CNTNAP2: variants seen among roughly 807,000 people sequenced by gnomAD.
CNTNAP2 encodes contactin associated protein 2.
A neutral mutation model predicts 155.2 loss-of-function variants in CNTNAP2; 98 were observed. The ratio of observed to expected loss-of-function variants is 0.63; its 90% confidence interval spans 0.54 to 0.75. CNTNAP2 has a LOEUF of 0.75. Ranked by LOEUF, CNTNAP2 falls within the 30% of genes least tolerant of loss-of-function variation. The pLI is 0.00. For missense variants in CNTNAP2, 1,727 were observed against 1,688.1 expected (o/e 1.02, Z -0.40); for synonymous variants, 651 against 631.2 (o/e 1.03, Z -0.47).
chr7:147,502,213 G>GA lies in CNTNAP2; in HGVS notation c.1777+16181dup, dbSNP rs751288817. Among the ~76,000 whole-genome samples the GA allele has an allele frequency of 1.0e-3, 154 of 151,172 alleles. No homozygotes were observed. In the Middle Eastern group the frequency reaches 0.01, roughly 10 times the overall value. On this transcript the variant is annotated intron_variant, in intron 11 of 23. Coordinates refer to ENST00000361727, the MANE Select transcript of CNTNAP2 (RefSeq NM_014141.6). ...TCCAATCAGATGTTTTATAGAAATAGAAAAAAAAATCCTAAAATTCATGTG... is the reference window on the plus strand; with the variant it reads ...TCCAATCAGATGTTTTATAGAAATAGAAAAAAAAAATCCTAAAATTCATGTG...
At chr7:148,258,219 C>T (rs1796490899) in intron 20 of CNTNAP2, among the ~76,000 whole-genome samples, 1 of 152,184 alleles carries the variant, frequency 6.6e-6, no homozygotes, top group African/African-American at 2.4e-5. Context: ...ATGCCACGCT[C>T]CTGGGGCAGG....
At chr7:146,516,335 C>A (rs1797541222) in intron 1 of CNTNAP2, among the ~76,000 whole-genome samples, 1 of 152,040 alleles carries the variant, frequency 6.6e-6, no homozygotes, top group South Asian at 2.1e-4. Context: ...TTGGTACACA[C>A]ATTTACAGAC....
At chr7:147,659,140 G>A (rs1795575837) in intron 13 of CNTNAP2, among the ~76,000 whole-genome samples, 1 of 152,114 alleles carries the variant, frequency 6.6e-6, no homozygotes, top group South Asian at 2.1e-4. Flanking sequence ...ACAAAGGAAA[G>A]GAAAATCTGG....
intron 20 of CNTNAP2, among the ~76,000 whole-genome samples, chr7:148,248,055 G>A (rs1172543829): frequency 6.6e-6 from 1 of 152,064 alleles, no homozygotes; most frequent in Non-Finnish European, 1.5e-5. Context: ...GCACACCCAT[G>A]TAGCCACCAC....
At chr7:147,767,889 G>A (rs1178453838) in intron 13 of CNTNAP2, among the ~76,000 whole-genome samples, 1 of 152,112 alleles carries the variant, frequency 6.6e-6, no homozygotes, top group Non-Finnish European at 1.5e-5. Context: ...AGAAAGAAAG[G>A]AGATTATGTT....
rs1301086942 is a variant in CNTNAP2 at position 148,283,300 on chromosome 7, AAAGAAAGGAAGG to A, written c.3475+16178_3475+16189del. On this transcript the variant is annotated intron_variant, in intron 21 of 23. Coordinates refer to ENST00000361727, the MANE Select transcript of CNTNAP2 (RefSeq NM_014141.6). ...GAAAGAAAGAAAGAAAGAAAGAAAG[AAAGAAAGGAAGG>A]AAGGAAGGAAAGAAAGAAAGAATTC... Among the ~76,000 whole-genome samples the A allele has an allele frequency of 3.4e-4, 34 of 99,228 alleles. 1 individual carries two copies. Among genetic ancestry groups the A allele is most frequent in the African/African-American group, 1.5e-3 (25 of 17,174 alleles). 65.1% of individuals were successfully genotyped at this position (99,228 alleles called of 152,430 possible).
intron 1 of CNTNAP2, among the ~76,000 whole-genome samples, chr7:146,372,514 T>C (rs1290138542): frequency 6.6e-6 from 1 of 152,226 alleles, no homozygotes; most frequent in African/African-American, 2.4e-5. Flanking sequence ...AAAAGTTTAT[T>C]GAAAAGTTCA....
rs575817201 is a variant in CNTNAP2 at position 148,375,325 on chromosome 7, AATAT to A, written c.3476-8317_3476-8314del. 5.6e-3 allele frequency among the ~76,000 whole-genome samples: 829 copies of A among 147,746 alleles called. 6 individuals carry two copies. The highest frequency in any genetic ancestry group is 0.01 in the South Asian group (50 of 4,768). ...ATATAAACTATAAATATAAAATATA[AATAT>A]ATATATTTTTATATATATATAGTAT... On this transcript the variant is annotated intron_variant, in intron 21 of 23. Coordinates refer to ENST00000361727, the MANE Select transcript of CNTNAP2 (RefSeq NM_014141.6).
At chr7:148,083,511 G>A (rs1187945785) in intron 15 of CNTNAP2, among the ~76,000 whole-genome samples, 1 of 152,196 alleles carries the variant, frequency 6.6e-6, no homozygotes, top group Non-Finnish European at 1.5e-5. Context: ...ACCAGAGGCA[G>A]AGAGGAGAAA....
chr7:146,812,445 AAT>A lies in CNTNAP2; in HGVS notation c.209-27249_209-27248del, dbSNP rs368632208. On this transcript the variant is annotated intron_variant, in intron 2 of 23. Coordinates refer to ENST00000361727, the MANE Select transcript of CNTNAP2 (RefSeq NM_014141.6). Reference sequence around the variant, plus strand: ...CTTTTATATGTATATATATATAAAAAATATATATATATATATATTTATACTTT... The same window carrying A: ...CTTTTATATGTATATATATATAAAAAATATATATATATATATTTATACTTT... Among the ~76,000 whole-genome samples, 424 of 144,534 alleles carry A rather than the reference AAT, an allele frequency of 2.9e-3. 5 individuals carry two copies. The highest frequency in any genetic ancestry group is 0.014 in the Middle Eastern group (4 of 276). The allele number at this position is 144,534 out of a possible 152,430, so 94.8% of individuals were successfully genotyped here. A position where few individuals can be genotyped will look rare whatever the true frequency, so the allele number is the denominator to read the frequency against.
intron 1 of CNTNAP2, chr7:146,117,311 C>T (rs1284742293): frequency 2.3e-5 from 6 of 258,836 alleles, no homozygotes; most frequent in Non-Finnish European, 4.5e-5. Context: ...TTAGGTAGGT[C>T]AGTGAATGAA....
chr7:147,444,798 A>G (rs1797704165), intron 10 of CNTNAP2, among the ~76,000 whole-genome samples: 1 of 152,214 alleles, frequency 6.6e-6, no homozygotes, highest in African/African-American at 2.4e-5. Flanking sequence ...ATGATGTATT[A>G]GTCCGTTATC....
chr7:147,523,817 G>A (rs1367769737), intron 11 of CNTNAP2, among the ~76,000 whole-genome samples: 6 of 152,166 alleles, frequency 3.9e-5, no homozygotes, highest in African/African-American at 1.4e-4. Flanking sequence ...TGTCTCGTAT[G>A]GAGCTATAAA....
intron 8 of CNTNAP2, among the ~76,000 whole-genome samples, chr7:147,296,350 C>A: frequency 6.6e-6 from 1 of 152,204 alleles, no homozygotes; most frequent in East Asian, 1.9e-4. Flanking sequence ...GCATCAATTC[C>A]TTGGGAATAC....
Position 147,461,885 on chromosome 7 carries a change from G to T in CNTNAP2, c.1671-24050G>T, listed in dbSNP as rs569786422. 2.6e-5 allele frequency among the ~76,000 whole-genome samples: 4 copies of T among 152,286 alleles called. No individual in the cohort carries two copies. In the South Asian group the frequency reaches 6.2e-4, roughly 24 times the overall value. ...AAATAGCAGCATTTAAGTGAATGTA[G>T]AGTTAACTTATAAGAATGTGAACAA... is the stretch of plus-strand genomic sequence containing the variant. On this transcript the variant is annotated intron_variant, in intron 10 of 23. Coordinates refer to ENST00000361727, the MANE Select transcript of CNTNAP2 (RefSeq NM_014141.6).
Position 148,399,413 on chromosome 7 carries a change from C to G in CNTNAP2, c.3716-9978C>G, listed in dbSNP as rs2116696162. Among the ~76,000 whole-genome samples the G allele has an allele frequency of 1.3e-5, 2 of 152,314 alleles. 1 individual carries two copies. Among genetic ancestry groups the G allele is most frequent in the South Asian group, 4.1e-4 (2 of 4,820 alleles). On this transcript the variant is annotated intron_variant, in intron 22 of 23. Coordinates refer to ENST00000361727, the MANE Select transcript of CNTNAP2 (RefSeq NM_014141.6). ...CCTGAGCAACATAGCAAGACCCTGT[C>G]TCTAAAAAGAAAATTTTAAAATGCA...
chr7:147,460,064 C>T (rs1220268092), intron 10 of CNTNAP2, among the ~76,000 whole-genome samples: 1 of 151,844 alleles, frequency 6.6e-6, no homozygotes, highest in Non-Finnish European at 1.5e-5. Context: ...ATGGGTGTAG[C>T]AAACCACCAT....
chr7:148,314,876 G>A (rs145771424), intron 21 of CNTNAP2, among the ~76,000 whole-genome samples: 1,554 of 152,296 alleles, frequency 0.01, 22 homozygotes, highest in African/African-American at 0.035. Context: ...TCCCCAGTCC[G>A]TGACCGGTGC....
intron 10 of CNTNAP2, among the ~76,000 whole-genome samples, chr7:147,469,666 C>T (rs6968227): frequency 6.6e-6 from 1 of 150,708 alleles, no homozygotes; most frequent in African/African-American, 2.4e-5. Flanking sequence ...CTACAGGCGC[C>T]CGCCACCACG....
Sources: allele counts gnomAD v4.1 joint callset (sites outside exome capture counted in the v4.1 genomes callset), GRCh38; gene constraint gnomAD v4.1.1; transcripts MANE v1.5; gene names NCBI Gene and HGNC (gene_info 2026-07-23, HGNC 2026-07-21).